Variants in E2F7 observed in about 807,000 individuals in gnomAD.
E2F7 encodes E2F transcription factor 7.
A neutral mutation model predicts 81.1 loss-of-function variants in E2F7; 35 were observed. The observed-to-expected ratio is 0.43, with a 90% CI of 0.33 to 0.57. The LOEUF (loss-of-function observed/expected upper bound fraction) is 0.57, where lower values mean the gene tolerates loss of function less well. Ranked by LOEUF, E2F7 falls within the 20% of genes least tolerant of loss-of-function variation. The probability of loss-of-function intolerance (pLI) is 0.04; values close to 1 mark genes in which losing one functional copy is unlikely to be tolerated. For missense variants in E2F7, 961 were observed against 1,093.7 expected (o/e 0.88, Z 1.71); for synonymous variants, 416 against 416.2 (o/e 1.00, Z 0.01).
rs142184655 is a variant in E2F7 at position 77,053,926 on chromosome 12, T to C, written c.369+1929A>G. ...AGAGGTAGATTCATGGTGTTAAAGGTACTGCAAAGGATAAGTGTATTTTAC... is the reference window on the plus strand; with the variant it reads ...AGAGGTAGATTCATGGTGTTAAAGGCACTGCAAAGGATAAGTGTATTTTAC... On this transcript the variant is annotated intron_variant, in intron 3 of 12. Coordinates refer to ENST00000322886, the MANE Select transcript of E2F7 (RefSeq NM_203394.3). 3.8e-3 allele frequency among the ~76,000 whole-genome samples: 580 copies of C among 152,282 alleles called. 4 individuals are homozygous for C. Among genetic ancestry groups the C allele is most frequent in the African/African-American group, 0.013 (553 of 41,562 alleles).
At chr12:77,048,311 T>C (rs1388961301) in intron 4 of E2F7, among the ~76,000 whole-genome samples, 2 of 152,238 alleles carry the variant, frequency 1.3e-5, no homozygotes, top group Non-Finnish European at 2.9e-5. Context: ...TTTTCTTTTG[T>C]ATTGAGGTCA....
intron 2 of E2F7, among the ~76,000 whole-genome samples, chr12:77,060,968 A>C (rs2120760989): frequency 6.6e-6 from 1 of 152,252 alleles, no homozygotes; most frequent in East Asian, 1.9e-4. Context: ...ACTGTTGACT[A>C]TTCTTTGTTC....
intron 7 of E2F7, among the ~76,000 whole-genome samples, chr12:77,041,703 C>T (rs138676032): frequency 7.4e-4 from 113 of 152,288 alleles, no homozygotes; most frequent in African/African-American, 2.6e-3. Flanking sequence ...CAAAATCTAA[C>T]AGCCCATCAG....
intron 7 of E2F7, among the ~76,000 whole-genome samples, chr12:77,037,674 C>T (rs1238537048): frequency 6.6e-6 from 1 of 151,544 alleles, no homozygotes. Flanking sequence ...AGCCAAGAAA[C>T]CAACAAAGGA....
chr12:77,042,963 A>C (rs1954905941), intron 7 of E2F7, 102 bp downstream of exon 7: 2 of 1,554,940 alleles, frequency 1.3e-6, no homozygotes, highest in Non-Finnish European at 1.8e-6. Context: ...TGTATGTGAC[A>C]TGGGAAAAAG....
chr12:77,044,222 C>G (rs1372352730), intron 6 of E2F7: 2 of 453,746 alleles, frequency 4.4e-6, no homozygotes, highest in East Asian at 6.9e-5. Flanking sequence ...CCACCCTTAC[C>G]CTGGCCATTC....
chr12:77,043,160 G>T lies in E2F7; in HGVS notation c.1028C>A (p.Thr343Asn). 6.2e-7 allele frequency: 1 copy of T among 1,614,116 alleles called. No homozygotes were observed. Among genetic ancestry groups the T allele is most frequent in the Non-Finnish European group, 8.5e-7 (1 of 1,180,022 alleles). The change falls in exon 7 of 13, where the codon ACC (threonine) becomes AAC (asparagine). Residue 343 changes from threonine (T) to asparagine (N), a missense_variant. This residue lies in a region of E2F7 where 301 missense variants were observed against 405.0 expected (regional missense o/e 0.74). Transcript: ENST00000322886. The part of the protein sequence containing the change: ...RRLYDIANVL[T>N]SLALIKKVHV... ...CACTTTCTTTATCAGAGCCAAGCTG[G>T]TCAGAACATTGGCTATGTCATAGAG...
chr12:77,031,367 G>A (rs977493210), intron 9 of E2F7, among the ~76,000 whole-genome samples: 2 of 152,174 alleles, frequency 1.3e-5, no homozygotes, highest in African/African-American at 2.4e-5. Context: ...AGGGCCAGGC[G>A]TGGTGGCTCA....
At chr12:77,026,933 T>C (rs1392089049) in intron 11 of E2F7, among the ~76,000 whole-genome samples, 2 of 152,226 alleles carry the variant, frequency 1.3e-5, no homozygotes, top group African/African-American at 4.8e-5. Context: ...GAGGAATTCA[T>C]GGCCTTCACC....
chr12:77,039,197 C>A (rs1954876985), intron 7 of E2F7, among the ~76,000 whole-genome samples: 1 of 152,144 alleles, frequency 6.6e-6, no homozygotes, highest in Non-Finnish European at 1.5e-5. Flanking sequence ...AGAAAAGCAC[C>A]CCATTGATCC....
chr12:77,043,879 T>C (rs1954916192), intron 6 of E2F7, among the ~76,000 whole-genome samples: 1 of 152,190 alleles, frequency 6.6e-6, no homozygotes, highest in South Asian at 2.1e-4. Context: ...ACAAAGTATT[T>C]TCTATTCAAG....
At position 77,051,733 on chromosome 12, in the gene E2F7, G is replaced by A. The variant is rs1447931661; in HGVS notation, c.370-989C>T. ...AGCAAACATCTATTTGTAAAACCTT[G>A]GACGTGTTCCCTTAAAGTCAGGAAA... is the stretch of plus-strand genomic sequence containing the variant. On this transcript the variant is annotated intron_variant, in intron 3 of 12. Coordinates refer to ENST00000322886, the MANE Select transcript of E2F7 (RefSeq NM_203394.3). Among the ~76,000 whole-genome samples, 4 of 152,096 alleles carry A rather than the reference G, an allele frequency of 2.6e-5. No individual in the cohort carries two copies. The East Asian group carries it at 7.7e-4, about 29-fold the overall frequency.
Position 77,044,728 on chromosome 12 carries a change from G to A in E2F7, c.897C>T (p.Leu299=), listed in dbSNP as rs552518558. 22 of 1,614,108 alleles carry A rather than the reference G, an allele frequency of 1.4e-5. No homozygotes were observed. The highest frequency in any genetic ancestry group is 1.2e-4 in the South Asian group (11 of 91,072). Residue 299 remains leucine (L), a synonymous_variant, in exon 6 of 13, where the codon CTC becomes CTT. Coordinates refer to ENST00000322886, the MANE Select transcript of E2F7 (RefSeq NM_203394.3). ...IMSQKFVMLF[L]VSKTKIVTLD... is the part of the protein sequence containing the mutation. ...GAGTGACAATCTTGGTTTTGGAGAC[G>A]AGGAACAGCATGACAAACTTCTGGC...
intron 2 of E2F7, among the ~76,000 whole-genome samples, chr12:77,059,848 A>G (rs987984125): frequency 4.6e-5 from 7 of 151,750 alleles, no homozygotes; most frequent in Admixed American, 2.6e-4. Context: ...CTGTAGTCCC[A>G]GCTACTCTGG....
At position 77,053,053 on chromosome 12, in the gene E2F7, A is replaced by G. The variant is rs183989608; in HGVS notation, c.370-2309T>C. 1.4e-3 allele frequency among the ~76,000 whole-genome samples: 212 copies of G among 152,302 alleles called. 2 individuals carry two copies. The highest frequency in any genetic ancestry group is 4.4e-4 in the Non-Finnish European group (30 of 68,008). On this transcript the variant is annotated intron_variant, in intron 3 of 12. Coordinates refer to ENST00000322886, the MANE Select transcript of E2F7 (RefSeq NM_203394.3). ...AGGATATGGGTGACTAAAAGTTTAT[A>G]TATTTCTGGGGGGAGGCAAATAGTA...
Position 77,029,942 on chromosome 12 carries a change from TG to T in E2F7, c.1772del (p.Ser591Ter). On this transcript the variant is annotated frameshift_variant, in exon 10 of 13. Transcript: ENST00000322886. LOFTEE classifies it high-confidence loss of function. ...PATVELSSAP[S>X]AQKRLCEERK... The stretch of plus-strand genomic sequence containing the variant: ...TCTCCTCACAGAGGCGCTTCTGAGC[TG>T]AGGGTGCAGATGACAGCTCTACTGT... 3 of 1,614,244 alleles carry T rather than the reference TG, an allele frequency of 1.9e-6. No individual in the cohort carries two copies. Among genetic ancestry groups the T allele is most frequent in the Non-Finnish European group, 2.5e-6 (3 of 1,180,044 alleles).
rs560349395 is a variant in E2F7 at position 77,025,706 on chromosome 12, G to A, written c.2417C>T (p.Ser806Leu). ...VGPTAVVNPK[S>L]STLPSADPQL... ...AGGGTCTGCAGAAGGGAGTGTGGAC[G>A]ACTTTGGATTAACCACAGCTGTGGG... The change falls in exon 12 of 13, where the codon TCG (serine) becomes TTG (leucine). Residue 806 changes from serine to leucine, a missense_variant. Transcript: ENST00000322886. 433 of 1,614,192 alleles carry A rather than the reference G, an allele frequency of 2.7e-4. 2 individuals are homozygous for A. In the South Asian group the frequency reaches 4.5e-3, roughly 17 times the overall value.
At chr12:77,028,738 G>C (rs1954780001) in intron 10 of E2F7, among the ~76,000 whole-genome samples, 1 of 152,184 alleles carries the variant, frequency 6.6e-6, no homozygotes, top group Non-Finnish European at 1.5e-5. Flanking sequence ...CCTCCAAAGT[G>C]CTGGGATTAC....
Position 77,027,921 on chromosome 12 carries a change from G to T in E2F7, c.2102C>A (p.Pro701His). Residue 701 changes from proline (P) to histidine (H), a missense_variant, in exon 11 of 13, where the codon CCT (proline) becomes CAT (histidine). This residue lies in a region of E2F7 where 587 missense variants were observed against 620.3 expected (regional missense o/e 0.95). Transcript: ENST00000322886. ...PSKENESTKE[P>H]SLLQYLCVQS... ...CACACAAAGATATTGTAGCAAAGAA[G>T]GCTCTTTGGTGCTTTCATTTTCTTT... 1 of 1,614,144 alleles carries T rather than the reference G, an allele frequency of 6.2e-7. No individual in the cohort carries two copies. Among genetic ancestry groups the T allele is most frequent in the South Asian group, 1.1e-5 (1 of 91,084 alleles).
Sources: gnomAD v4.1 joint callset for allele counts (sites outside exome capture counted in the v4.1 genomes callset) on GRCh38, gnomAD v4.1.1 for gene constraint, gnomAD v4.1.1 regional missense constraint, MANE v1.5 for transcripts, NCBI Gene and HGNC (gene_info 2026-07-23, HGNC 2026-07-21) for gene names.